The following GPC5 variants were observed in gnomAD, a reference collection of about 807,000 sequenced individuals.
GPC5 encodes glypican-5.
GPC5 carries 47 observed loss-of-function variants against 53.9 expected under a neutral mutation model. That is an observed-to-expected ratio of 0.87 (90% CI 0.69 to 1.11). GPC5 has a LOEUF of 1.11. Ranked by LOEUF, GPC5 falls within the 50% of genes most tolerant of loss-of-function variation. GPC5 has a pLI of 0.00. For synonymous variants in GPC5, 286 were observed against 263.3 expected (o/e 1.09, Z -0.84); for missense variants, 748 against 713.1 (o/e 1.05, Z -0.56).
chr13:92,625,514 G>C (rs1885018306), intron 7 of GPC5, among the ~76,000 whole-genome samples: 1 of 152,166 alleles, frequency 6.6e-6, no homozygotes, highest in Non-Finnish European at 1.5e-5. Flanking sequence ...GTCAAAGATA[G>C]AAACTTTGGG....
intron 7 of GPC5, among the ~76,000 whole-genome samples, chr13:92,586,097 T>C (rs1048616477): frequency 6.6e-6 from 1 of 152,176 alleles, no homozygotes; most frequent in African/African-American, 2.4e-5. Flanking sequence ...ATTGTGAACA[T>C]GCAACTCGTG....
chr13:92,279,830 G>A (rs1197987572), intron 7 of GPC5, among the ~76,000 whole-genome samples: 1 of 151,986 alleles, frequency 6.6e-6, no homozygotes, highest in Non-Finnish European at 1.5e-5. Context: ...ATTTTGTTGA[G>A]CATTTTTGCA....
At chr13:91,706,888 C>T (rs1362966099) in intron 3 of GPC5, among the ~76,000 whole-genome samples, 1 of 151,456 alleles carries the variant, frequency 6.6e-6, no homozygotes, top group Non-Finnish European at 1.5e-5. Flanking sequence ...TAGGAATGTG[C>T]CAAATAGCAA....
intron 2 of GPC5, among the ~76,000 whole-genome samples, chr13:91,665,842 C>T (rs2035099305): frequency 6.6e-6 from 1 of 152,080 alleles, no homozygotes; most frequent in Non-Finnish European, 1.5e-5. Flanking sequence ...AGATACCCAC[C>T]CTTGGGCAAA....
intron 7 of GPC5, among the ~76,000 whole-genome samples, chr13:92,181,416 A>T (rs186169983): frequency 2.0e-5 from 3 of 152,294 alleles, no homozygotes; most frequent in Non-Finnish European, 2.9e-5. Flanking sequence ...AAAATAAATA[A>T]AATTTCCCTC....
In GPC5 at chr13:92,328,389, C is replaced by T. The variant is rs151033562; in HGVS notation, c.1561+183400C>T. 1.3e-3 allele frequency among the ~76,000 whole-genome samples: 193 copies of T among 152,160 alleles called. 2 individuals carry two copies. Among genetic ancestry groups the T allele is most frequent in the African/African-American group, 4.4e-3 (181 of 41,534 alleles). ...ACCAGATATAGAATCTGGGGTGATT[C>T]GAGTTTTTGTCTATTTCTAAGAGAA... is the stretch of plus-strand genomic sequence containing the variant. On this transcript the variant is annotated intron_variant, in intron 7 of 7. Transcript: ENST00000377067.
chr13:92,179,199 G>A (rs557998422), intron 7 of GPC5, among the ~76,000 whole-genome samples: 1 of 151,534 alleles, frequency 6.6e-6, no homozygotes, highest in African/African-American at 2.4e-5. Flanking sequence ...TTAGCTCTGG[G>A]GTAAAACAAA....
At chr13:91,537,326 AT>A in intron 2 of GPC5, among the ~76,000 whole-genome samples, 1 of 152,304 alleles carries the variant, frequency 6.6e-6, no homozygotes, top group Non-Finnish European at 1.5e-5. Context: ...AGCTCAAATG[AT>A]TAAAATCAGG....
Position 92,144,837 on chromosome 13 carries a change from A to G in GPC5, c.1409A>G (p.Gln470Arg). Residue 470 changes from glutamine (Q) to arginine (R), a missense_variant, in exon 7 of 8, where the codon CAG becomes CGG. Gln to Arg is a conservative substitution (Grantham distance 43). Transcript: ENST00000377067. ...DKLKHVVQLLQGRSPKPDKWE... is the reference protein window; with the variant it reads ...DKLKHVVQLLRGRSPKPDKWE... ...TTCTTTATGTACAATTAGTTGTTAC[A>G]GGGTAGATCACCCAAACCTGACAAG... The G allele has an allele frequency of 1.2e-6, 2 of 1,610,574 alleles. No homozygotes were observed. The highest frequency in any genetic ancestry group is 1.7e-6 in the Non-Finnish European group (2 of 1,178,312).
chr13:92,140,130 A>G (rs1256389128), intron 6 of GPC5, among the ~76,000 whole-genome samples: 4 of 152,222 alleles, frequency 2.6e-5, no homozygotes, highest in African/African-American at 9.6e-5. Flanking sequence ...AAGTAGATAA[A>G]ATAAGAAAAT....
intron 6 of GPC5, among the ~76,000 whole-genome samples, chr13:92,016,620 A>C (rs2040709427): frequency 6.6e-6 from 1 of 152,190 alleles, no homozygotes; most frequent in Non-Finnish European, 1.5e-5. Context: ...AATGGTGTGA[A>C]TCAATATAGG....
chr13:92,254,713 A>G (rs545030850), intron 7 of GPC5, among the ~76,000 whole-genome samples: 1 of 152,304 alleles, frequency 6.6e-6, no homozygotes, highest in South Asian at 2.1e-4. Context: ...AAGCAAACAC[A>G]TCTTCCTTCA....
At chr13:92,220,589 G>A (rs369720352) in intron 7 of GPC5, among the ~76,000 whole-genome samples, 59 of 152,276 alleles carry the variant, frequency 3.9e-4, no homozygotes, top group African/African-American at 1.3e-3. Context: ...AACAGGAAAG[G>A]CAAATTTAGA....
intron 7 of GPC5, among the ~76,000 whole-genome samples, chr13:92,746,113 C>T (rs995187433): frequency 1.5e-4 from 23 of 152,010 alleles, no homozygotes; most frequent in African/African-American, 5.1e-4. Context: ...GATTGGGCCC[C>T]ATCCTGTCGT....
intron 7 of GPC5, among the ~76,000 whole-genome samples, chr13:92,279,373 A>C (rs550829839): frequency 8.5e-5 from 13 of 152,198 alleles, no homozygotes; most frequent in Non-Finnish European, 8.8e-5. Context: ...CATCTTGTGC[A>C]CTGAAAAATT....
At chr13:91,908,157 C>T (rs2039575229) in intron 6 of GPC5, 100 bp downstream of exon 6, 2 of 974,756 alleles carry the variant, frequency 2.1e-6, no homozygotes, top group Non-Finnish European at 2.9e-6. Flanking sequence ...TCAGATAATC[C>T]TACCTAAAAT....
At chr13:92,848,257 G>A (rs1451025370) in intron 7 of GPC5, among the ~76,000 whole-genome samples, 1 of 152,056 alleles carries the variant, frequency 6.6e-6, no homozygotes, top group African/African-American at 2.4e-5. Flanking sequence ...TTATTATGAT[G>A]CAGATTTTAC....
chr13:91,739,497 T>C (rs904182420), intron 4 of GPC5, among the ~76,000 whole-genome samples: 4 of 151,462 alleles, frequency 2.6e-5, no homozygotes, highest in Non-Finnish European at 5.9e-5. Context: ...GCGGGGTTCA[T>C]GCTCAGGGTC....
chr13:91,462,081 G>A (rs905773707), intron 2 of GPC5, among the ~76,000 whole-genome samples: 2 of 152,094 alleles, frequency 1.3e-5, no homozygotes, highest in Non-Finnish European at 2.9e-5. Context: ...CACTGTAATG[G>A]AAACCAACGT....
Sources: allele counts gnomAD v4.1 joint callset (sites outside exome capture counted in the v4.1 genomes callset), GRCh38; gene constraint gnomAD v4.1.1; transcripts MANE v1.5; gene names NCBI Gene and HGNC (gene_info 2026-07-23, HGNC 2026-07-21).